FBXW8: variants seen among roughly 807,000 people sequenced by gnomAD.
The protein encoded by FBXW8 is F-box and WD repeat domain containing 8.
FBXW8 carries 57 observed loss-of-function variants against 65.3 expected under a neutral mutation model. The ratio of observed to expected loss-of-function variants is 0.87; its 90% CI spans 0.71 to 1.09. The LOEUF is 1.09. Among genes scored for constraint, FBXW8 ranks in the 50% least tolerant of loss-of-function variants. FBXW8 has a pLI of 0.00. For missense variants in FBXW8, 777 were observed against 814.8 expected (o/e 0.95, Z 0.57); for synonymous variants, 308 against 330.2 (o/e 0.93, Z 0.73).
chr12:116,980,924 C>G (rs1049577998), intron 5 of FBXW8, among the ~76,000 whole-genome samples: 4 of 152,136 alleles, frequency 2.6e-5, no homozygotes, highest in African/African-American at 9.7e-5. Flanking sequence ...CCTTTCAATT[C>G]TTATATGTCA....
chr12:116,977,999 C>A (rs1195616740), intron 5 of FBXW8: 1 of 152,218 alleles, frequency 6.6e-6, no homozygotes, highest in East Asian at 1.9e-4. Context: ...GGTGATCTCG[C>A]TGCTTTGTTT....
At chr12:117,013,551 ACT>A (rs1565942012) in intron 8 of FBXW8, among the ~76,000 whole-genome samples, 2 of 151,626 alleles carry the variant, frequency 1.3e-5, no homozygotes, top group South Asian at 2.1e-4. Flanking sequence ...CACTCACCAC[ACT>A]CTCTCTGGTA....
intron 2 of FBXW8, 43 bp from the exon 3 acceptor site, chr12:116,945,321 C>T (rs1882855757): frequency 1.3e-6 from 2 of 1,583,204 alleles, no homozygotes; most frequent in Non-Finnish European, 1.7e-6. Flanking sequence ...AGGGGCTTCT[C>T]TAATTGCAGA....
chr12:116,934,567 C>T (rs1882023750), intron 2 of FBXW8, among the ~76,000 whole-genome samples: 1 of 152,128 alleles, frequency 6.6e-6, no homozygotes. Flanking sequence ...CATTATATTA[C>T]AGTGTGAATA....
intron 3 of FBXW8, among the ~76,000 whole-genome samples, chr12:116,946,022 C>T (rs1040704542): frequency 1.3e-5 from 2 of 152,188 alleles, no homozygotes; most frequent in East Asian, 1.9e-4. Context: ...AAAGTCTCTA[C>T]GGAAATATTA....
At chr12:116,940,649 G>A (rs1316470791) in intron 2 of FBXW8, among the ~76,000 whole-genome samples, 1 of 151,938 alleles carries the variant, frequency 6.6e-6, no homozygotes, top group African/African-American at 2.4e-5. Context: ...TTGTCTGCAG[G>A]GTGGCGAGTT....
chr12:116,976,424 C>A (rs1269280491), intron 5 of FBXW8, among the ~76,000 whole-genome samples: 1 of 116,668 alleles, frequency 8.6e-6, no homozygotes, highest in African/African-American at 3.3e-5. Context: ...AGTACCTAAT[C>A]TTTGGTATTT....
chr12:116,939,158 GC>G (rs1358241591), intron 2 of FBXW8, among the ~76,000 whole-genome samples: 1 of 152,232 alleles, frequency 6.6e-6, no homozygotes, highest in Non-Finnish European at 1.5e-5. Flanking sequence ...AGGAAATGCA[GC>G]TTCTTATACA....
At chr12:117,016,791 T>C (rs1054975016) in intron 8 of FBXW8, among the ~76,000 whole-genome samples, 1 of 152,240 alleles carries the variant, frequency 6.6e-6, no homozygotes. Flanking sequence ...GTGATCCATT[T>C]GGAGTTAATT....
intron 8 of FBXW8, among the ~76,000 whole-genome samples, chr12:117,011,777 T>TATATC (rs1416722719): frequency 6.6e-6 from 1 of 152,166 alleles, no homozygotes; most frequent in Non-Finnish European, 1.5e-5. Flanking sequence ...TGTGAACATT[T>TATATC]ATATCTTCAG....
At chr12:116,912,171 G>GTTTTTTTTTTTTTTTTT (rs57142470) in intron 1 of FBXW8, among the ~76,000 whole-genome samples, 1 of 131,022 alleles carries the variant, frequency 7.6e-6, no homozygotes. Context: ...TTTTTTTCCT[G>GTTTTTTTTTTTTTTTTT]TTTTTTTTTT....
At chr12:116,990,432 T>TA (rs1485971754) in intron 7 of FBXW8, among the ~76,000 whole-genome samples, 3 of 152,258 alleles carry the variant, frequency 2.0e-5, no homozygotes, top group South Asian at 4.1e-4. Context: ...TCTCATGCTC[T>TA]AAAAAAACTT....
intron 5 of FBXW8, among the ~76,000 whole-genome samples, chr12:116,970,192 A>C (rs1884567712): frequency 6.6e-6 from 1 of 152,160 alleles, no homozygotes; most frequent in Admixed American, 6.5e-5. Context: ...GTTTGTCTTG[A>C]AATCTCGCTC....
At chr12:116,940,269 A>G (rs185085345) in intron 2 of FBXW8, among the ~76,000 whole-genome samples, 2 of 146,584 alleles carry the variant, frequency 1.4e-5, no homozygotes, top group African/African-American at 5.2e-5. Context: ...TTTTTTTTTT[A>G]AATAATTAAG....
Position 117,027,460 on chromosome 12 carries a change from G to A in FBXW8, c.1608G>A (p.Thr536=), listed in dbSNP as rs188048498. 105 of 1,614,146 alleles carry A rather than the reference G, an allele frequency of 6.5e-5. No individual in the cohort carries two copies. Among genetic ancestry groups the A allele is most frequent in the Middle Eastern group, 5.0e-4 (3 of 6,052 alleles). The change falls in exon 10 of 11, where the codon ACG becomes ACA. Residue 536 remains threonine, a synonymous_variant. Coordinates refer to ENST00000652555, the MANE Select transcript of FBXW8 (RefSeq NM_153348.3). Reference sequence around the variant, plus strand: ...TCACGGCCAACGTGCCTTACCAGACGGTAATGCGAAACGCCGACCTGGACA... The same window carrying A: ...TCACGGCCAACGTGCCTTACCAGACAGTAATGCGAAACGCCGACCTGGACA... ...SLITANVPYQ[T]VMRNADLDSF...
At chr12:116,981,715 G>A (rs1259111757) in intron 5 of FBXW8, among the ~76,000 whole-genome samples, 1 of 152,020 alleles carries the variant, frequency 6.6e-6, no homozygotes, top group Non-Finnish European at 1.5e-5. Flanking sequence ...CCAGGTTCAA[G>A]CAATTCTCAT....
chr12:116,913,790 A>G (rs1880188637), intron 1 of FBXW8, among the ~76,000 whole-genome samples: 1 of 152,092 alleles, frequency 6.6e-6, no homozygotes, highest in Non-Finnish European at 1.5e-5. Context: ...CTGAAAATAG[A>G]AGGGACCTGC....
At chr12:116,913,299 G>A (rs1163855937) in intron 1 of FBXW8, among the ~76,000 whole-genome samples, 1 of 152,204 alleles carries the variant, frequency 6.6e-6, no homozygotes, top group African/African-American at 2.4e-5. Context: ...TAGTAAAGAA[G>A]CAAATCATGT....
chr12:116,954,438 CT>C (rs1229620707), intron 4 of FBXW8, among the ~76,000 whole-genome samples: 44 of 152,224 alleles, frequency 2.9e-4, no homozygotes, highest in African/African-American at 9.9e-4. Flanking sequence ...ATTTATTCCC[CT>C]AATAGTGGAC....
Sources: gnomAD v4.1 joint callset for allele counts (sites outside exome capture counted in the v4.1 genomes callset) on GRCh38, gnomAD v4.1.1 for gene constraint, MANE v1.5 for transcripts, NCBI Gene and HGNC (gene_info 2026-07-23, HGNC 2026-07-21) for gene names.